ABTB1: variants seen among roughly 807,000 people sequenced by gnomAD.
ABTB1 encodes ankyrin repeat and BTB domain containing 1, also known as ankyrin repeat and BTB/POZ domain-containing protein 1.
ABTB1 carries 45 observed loss-of-function variants against 57.1 expected under a neutral mutation model. The observed-to-expected ratio is 0.79, with a 90% CI of 0.62 to 1.01. ABTB1 has a LOEUF of 1.01. Ranked by LOEUF, ABTB1 falls within the 50% of genes least tolerant of loss-of-function variation. The pLI, the probability that ABTB1 is intolerant of heterozygous loss-of-function variation, is 0.00. For synonymous variants in ABTB1, 302 were observed against 275.4 expected (o/e 1.10, Z -0.95); for missense variants, 630 against 666.3 (o/e 0.95, Z 0.60).
intron 10 of ABTB1, 53 bp from the exon 11 acceptor site, chr3:127,679,932 C>G: frequency 6.3e-7 from 1 of 1,588,046 alleles, no homozygotes; most frequent in Non-Finnish European, 8.6e-7. Flanking sequence ...CTGTTGTGCC[C>G]TGGGAGCCCT....
Position 127,679,967 on chromosome 3 carries a change from T to C in ABTB1, c.1030-18T>C, listed in dbSNP as rs571511505. 2 of 1,612,460 alleles carry C rather than the reference T, an allele frequency of 1.2e-6. No individual in the cohort carries two copies. The highest frequency in any genetic ancestry group is 2.2e-5 in the South Asian group (2 of 91,038). On this transcript the variant is annotated intron_variant, in intron 10 of 11. Coordinates refer to ENST00000232744, the MANE Select transcript of ABTB1 (RefSeq NM_172027.3). Reference sequence around the variant, plus strand: ...TTGGTGACCTCGGGGGGCACCTTCATCCCTGTCTTCACTGCAGCTGTCCCC... The same window carrying C: ...TTGGTGACCTCGGGGGGCACCTTCACCCCTGTCTTCACTGCAGCTGTCCCC...
chr3:127,674,810 C>T (rs1439512404), intron 3 of ABTB1, among the ~76,000 whole-genome samples: 5 of 152,248 alleles, frequency 3.3e-5, no homozygotes, highest in East Asian at 3.8e-4. Context: ...ACTTCTACGA[C>T]CTGGGCCCAG....
chr3:127,677,529 T>C lies in ABTB1; in HGVS notation c.827T>C (p.Phe276Ser). 1.2e-6 allele frequency: 2 copies of C among 1,614,044 alleles called. No individual in the cohort carries two copies. Among genetic ancestry groups the C allele is most frequent in the Non-Finnish European group, 1.7e-6 (2 of 1,180,008 alleles). ...DGFNSCPDIC[F>S]RVAGCSFLCH... ...TTCAACAGCTGCCCTGACATCTGCTTCCGAGTGGCTGGCTGCAGCTTCCTC... is the reference window on the plus strand; with the variant it reads ...TTCAACAGCTGCCCTGACATCTGCTCCCGAGTGGCTGGCTGCAGCTTCCTC... The change falls in exon 9 of 12, where the codon TTC (phenylalanine) becomes TCC (serine). Residue 276 changes from phenylalanine to serine, a missense_variant. Physicochemically the swap from Phe to Ser is radical, Grantham distance 155. This residue lies in a region of ABTB1 where 579 missense variants were observed against 585.9 expected (regional missense o/e 0.99). Transcript: ENST00000232744.
chr3:127,678,118 T>TGGGG, intron 10 of ABTB1: 1 of 260,208 alleles, frequency 3.8e-6, no homozygotes, highest in African/African-American at 2.3e-5. Context: ...AGCAGGAGGG[T>TGGGG]GGAGGGTGGG....
chr3:127,675,984 G>T lies in ABTB1; in HGVS notation c.190G>T (p.Ala64Ser). The T allele has an allele frequency of 6.2e-7, 1 of 1,609,060 alleles. No individual in the cohort carries two copies. The highest frequency in any genetic ancestry group is 8.5e-7 in the Non-Finnish European group (1 of 1,177,150). Residue 64 changes from alanine to serine, a missense_variant, in exon 4 of 12, where the codon GCC becomes TCC. Coordinates refer to ENST00000232744, the MANE Select transcript of ABTB1 (RefSeq NM_172027.3). ...YLLANGARCE[A>S]NTFDGERCLY... ...GCCTCCCCCAGGAGCCCGCTGCGAG[G>T]CCAACACCTTCGATGGTGAGCGCTG...
rs201007167 is a variant in ABTB1, at chr3:127,676,401, C to T, written c.450C>T (p.Gly150=). The T allele has an allele frequency of 2.5e-6, 4 of 1,614,106 alleles. No homozygotes were observed. The Admixed American group carries it at 5.0e-5, about 20-fold the overall frequency. Residue 150 remains glycine, a synonymous_variant, in exon 5 of 12, where the codon GGC becomes GGT. Transcript: ENST00000232744. The surrounding 1 kb of genome is among the most constrained non-coding windows in gnomAD (Gnocchi z 5.4). The part of the protein sequence containing the change: ...FANMLDTKWK[G]KSVVVLRHPL... ...ACATGCTGGACACCAAATGGAAGGG[C>T]AAGAGTGTCGTGGTTCTCAGGCACC...
intron 10 of ABTB1, 30 bp from the exon 11 acceptor site, chr3:127,679,952 CGGG>C: frequency 6.2e-7 from 1 of 1,608,812 alleles, no homozygotes; most frequent in Non-Finnish European, 8.5e-7. Flanking sequence ...TTGGTGACCT[CGGG>C]GGGCACCTTC....
chr3:127,676,770 C>A lies in ABTB1; in HGVS notation c.526+189C>A. On this transcript the variant is annotated intron_variant, in intron 6 of 11. Transcript: ENST00000232744. The surrounding 1 kb of genome is among the most constrained non-coding windows in gnomAD (Gnocchi z 5.4). Reference sequence around the variant, plus strand: ...TGTGCCTGCTCAGGAAGAGCTTGTCCCACCCACATGCTGAGGCCCTCCCAT... The same window carrying A: ...TGTGCCTGCTCAGGAAGAGCTTGTCACACCCACATGCTGAGGCCCTCCCAT... The A allele has an allele frequency of 1.2e-6, 1 of 855,178 alleles. No homozygotes were observed. The highest frequency in any genetic ancestry group is 2.7e-5 in the East Asian group (1 of 37,572). The allele number at this position is 855,178 out of a possible 1,614,324, so 53.0% of individuals were successfully genotyped here.
chr3:127,679,263 C>T (rs186014584), intron 10 of ABTB1: 93 of 309,930 alleles, frequency 3.0e-4, no homozygotes, highest in Admixed American at 2.0e-3. Flanking sequence ...TAGCTCTCGT[C>T]GTCACTTCCT....
In ABTB1 at chr3:127,674,429, G is replaced by C. The variant is rs148235279; in HGVS notation, c.95G>C (p.Arg32Pro). The change falls in exon 2 of 12, where the codon CGG becomes CCG. Residue 32 changes from arginine to proline, a missense_variant. By Grantham distance (103) the Arg-to-Pro change is moderately radical. Transcript: ENST00000232744. ...LEQRDVEVNV[R>P]DKWDSTPLYY... ...CAGCGAGACGTGGAGGTGAATGTGC[G>C]GGACAAGTGGGACAGCACCCCCTTG... 3 of 1,613,152 alleles carry C rather than the reference G, an allele frequency of 1.9e-6. No homozygotes were observed. Among genetic ancestry groups the C allele is most frequent in the Non-Finnish European group, 2.5e-6 (3 of 1,179,770 alleles).
chr3:127,673,238 C>A, intron 1 of ABTB1, 157 bp downstream of exon 1: 4 of 679,190 alleles, frequency 5.9e-6, no homozygotes, highest in Non-Finnish European at 8.3e-6. Flanking sequence ...CCCGGACCCC[C>A]GCCGCAGCCC....
Position 127,677,260 on chromosome 3 carries a change from G to T in ABTB1, c.736G>T (p.Asp246Tyr). The T allele has an allele frequency of 6.3e-7, 1 of 1,593,836 alleles. No individual in the cohort carries two copies. Residue 246 changes from aspartate to tyrosine, a missense_variant, in exon 8 of 12, where the codon GAT becomes TAT. This residue lies in a region of ABTB1 where 579 missense variants were observed against 585.9 expected (regional missense o/e 0.99). Coordinates refer to ENST00000232744, the MANE Select transcript of ABTB1 (RefSeq NM_172027.3). ...CCGGGAGGACATGGCGCTGCTGGCCGATTGTGCCCTGCCCCCCGAGCTCCG... is the reference window on the plus strand; with the variant it reads ...CCGGGAGGACATGGCGCTGCTGGCCTATTGTGCCCTGCCCCCCGAGCTCCG... The part of the protein sequence containing the change: ...RLREDMALLA[D>Y]CALPPELRGD...
intron 10 of ABTB1, 107 bp from the exon 11 acceptor site, chr3:127,679,878 C>G: frequency 8.8e-7 from 1 of 1,138,562 alleles, no homozygotes; most frequent in South Asian, 1.4e-5. Context: ...CCACTGGAAG[C>G]CTTCCCGCCA....
Position 127,680,029 on chromosome 3 carries a change from G to A in ABTB1, c.1074G>A (p.Met358Ile), listed in dbSNP as rs1576452133. 6.2e-7 allele frequency: 1 copy of A among 1,613,720 alleles called. No individual in the cohort carries two copies. Among genetic ancestry groups the A allele is most frequent in the East Asian group, 2.2e-5 (1 of 44,884 alleles). Residue 358 changes from methionine (M) to isoleucine (I), a missense_variant, in exon 11 of 12, where the codon ATG (methionine) becomes ATA (isoleucine). Physicochemically the swap from Met to Ile is conservative, Grantham distance 10. Around this residue, in one of 3 missense-constraint regions of ABTB1, gnomAD observed 579 missense variants for 585.9 expected, o/e 0.99. Transcript: ENST00000232744. ...ATGATGTGCTGAGCGTCGCCGACATGTACCTGCTGCCAGGCCTGAAGAGGC... is the reference window on the plus strand; with the variant it reads ...ATGATGTGCTGAGCGTCGCCGACATATACCTGCTGCCAGGCCTGAAGAGGC... ...AAYDVLSVAD[M>I]YLLPGLKRLC...
In ABTB1 at chr3:127,677,640, C is replaced by T. The variant is rs192149738; in HGVS notation, c.862-36C>T. 20 of 1,612,622 alleles carry T rather than the reference C, an allele frequency of 1.2e-5. No individual in the cohort carries two copies. The East Asian group carries it at 2.9e-4, about 23-fold the overall frequency. On this transcript the variant is annotated intron_variant, in intron 9 of 11. Coordinates refer to ENST00000232744, the MANE Select transcript of ABTB1 (RefSeq NM_172027.3). ...CGTCTAGCTCCTCAGGAGACAGACC[C>T]TGGCCCTCACACTTCCTGAGCCCGG...
chr3:127,673,203 C>T (rs2074889412), intron 1 of ABTB1, 122 bp downstream of exon 1: 1 of 1,108,738 alleles, frequency 9.0e-7, no homozygotes, highest in Non-Finnish European at 1.2e-6. Flanking sequence ...TCACAGCCCT[C>T]GGAGCGCCCC....
Position 127,680,721 on chromosome 3 carries a change from G to A in ABTB1, c.*246G>A, listed in dbSNP as rs201001258. ...GACCCTGGGGGTGGACACCACTCAG[G>A]GAAACCTGGGGTGGGGGTGGGCTTT... On this transcript the variant is annotated 3_prime_UTR_variant, in exon 12 of 12. Coordinates refer to ENST00000232744, the MANE Select transcript of ABTB1 (RefSeq NM_172027.3). 8 of 680,404 alleles carry A rather than the reference G, an allele frequency of 1.2e-5. No individual in the cohort carries two copies. Among genetic ancestry groups the A allele is most frequent in the South Asian group, 1.7e-5 (1 of 59,780 alleles). The allele number at this position is 680,404 out of a possible 1,614,324, so 42.1% of individuals were successfully genotyped here.
chr3:127,673,402 A>C, intron 1 of ABTB1: 1 of 213,066 alleles, frequency 4.7e-6, no homozygotes, highest in South Asian at 1.6e-4. Flanking sequence ...CGGACGTCAG[A>C]CCCCCCGGGC....
intron 10 of ABTB1, 133 bp downstream of exon 10, chr3:127,677,976 G>C (rs2075028221): frequency 8.5e-7 from 1 of 1,173,204 alleles, no homozygotes; most frequent in African/African-American, 1.6e-5. Context: ...AGGCTGGAGG[G>C]GAAGGCTGTG....
Sources: gnomAD v4.1 joint callset for allele counts (sites outside exome capture counted in the v4.1 genomes callset) on GRCh38, gnomAD v4.1.1 for gene constraint, gnomAD v4.1.1 regional missense constraint, Gnocchi (gnomAD v3.1) non-coding constraint, MANE v1.5 for transcripts, NCBI Gene and HGNC (gene_info 2026-07-23, HGNC 2026-07-21) for gene names.